The following ABCA5 variants were observed in gnomAD, a reference collection of about 807,000 sequenced individuals.
ABCA5 encodes ATP binding cassette subfamily A member 5.
A neutral mutation model predicts 206.0 loss-of-function variants in ABCA5; 163 were observed. The observed-to-expected ratio is 0.79, with a 90% CI of 0.70 to 0.90. ABCA5 has a LOEUF of 0.90. Ranked by LOEUF, ABCA5 falls within the 40% of genes least tolerant of loss-of-function variation. ABCA5 has a pLI of 0.00. For synonymous variants in ABCA5, 609 were observed against 613.8 expected, an observed-to-expected ratio of 0.99 and a Z score of 0.11; for missense variants, 1,859 against 1,912.9, an observed-to-expected ratio of 0.97 and a Z score of 0.53.
At chr17:69,253,744 C>A (rs773430791) in intron 33 of ABCA5, 50 bp downstream of exon 33, 6 of 1,579,310 alleles carry the variant, frequency 3.8e-6, no homozygotes, top group Non-Finnish European at 5.2e-6. Flanking sequence ...ATATCAGGTA[C>A]TAAACTATCA....
At chr17:69,298,221 A>AAGGTAGGT (rs757307976) in intron 9 of ABCA5, among the ~76,000 whole-genome samples, 17 of 69,102 alleles carry the variant, frequency 2.5e-4, no homozygotes, top group South Asian at 1.2e-3. Context: ...GGAAGGAAGG[A>AAGGTAGGT]AGGTAGGTAG....
intron 3 of ABCA5, 77 bp from the exon 4 acceptor site, chr17:69,309,500 T>C: frequency 9.5e-7 from 1 of 1,052,412 alleles, no homozygotes; most frequent in Non-Finnish European, 1.3e-6. Flanking sequence ...TACAATTATT[T>C]TGATGAATGG....
rs1568089536 is a variant in ABCA5, at chr17:69,254,212, TA to T, written c.4244+102del. On this transcript the variant is annotated intron_variant, in intron 32 of 38. Coordinates refer to ENST00000392676, the MANE Select transcript of ABCA5 (RefSeq NM_172232.4). The stretch of plus-strand genomic sequence containing the variant: ...ATGAAAAAGTAATAAACATTTTCTA[TA>T]AAAATCATTGTCCACAGAAATGCTT... The T allele has an allele frequency of 3.1e-6, 3 of 965,780 alleles. No homozygotes were observed. The African/African-American group carries it at 5.0e-5, about 16-fold the overall frequency. 59.8% of individuals were successfully genotyped at this position (965,780 alleles called of 1,614,324 possible).
chr17:69,308,892 T>C (rs1352245072), intron 4 of ABCA5, among the ~76,000 whole-genome samples: 1 of 152,086 alleles, frequency 6.6e-6, no homozygotes, highest in Admixed American at 6.5e-5. Context: ...AATATAAAAC[T>C]AATCAAGTTC....
chr17:69,267,912 G>T, intron 23 of ABCA5, 31 bp downstream of exon 23: 1 of 1,303,056 alleles, frequency 7.7e-7, no homozygotes, highest in Non-Finnish European at 1.1e-6. Context: ...CTTCTTATTA[G>T]CAAATTATAT....
At chr17:69,314,688 G>T (rs2075799624) in intron 1 of ABCA5, 2 of 316,818 alleles carry the variant, frequency 6.3e-6, no homozygotes, top group Admixed American at 4.9e-5. Context: ...TTCTCCTTTG[G>T]TATCTCCCGA....
intron 37 of ABCA5, 110 bp from the exon 38 acceptor site, chr17:69,248,427 A>T: frequency 1.6e-6 from 1 of 620,264 alleles, no homozygotes; most frequent in East Asian, 3.0e-5. Context: ...AACCCACTTA[A>T]ATTTGAAGCT....
Position 69,304,813 on chromosome 17 carries a change from A to C in ABCA5, c.789-3T>G, listed in dbSNP as rs772923187. ...TATATAGAAGAACCCAGGAAAGCCT[A>C]AAATGAGAATACAGATATAGTTATG... is the stretch of plus-strand genomic sequence containing the variant. On this transcript the variant is annotated splice_region_variant and splice_polypyrimidine_tract_variant and intron_variant, in intron 6 of 38. Transcript: ENST00000392676. 1 of 1,586,084 alleles carries C rather than the reference A, an allele frequency of 6.3e-7. No homozygotes were observed. Among genetic ancestry groups the C allele is most frequent in the South Asian group, 1.2e-5 (1 of 85,392 alleles).
In ABCA5 at chr17:69,253,617, A is replaced by C. The variant is rs768206442; in HGVS notation, c.4371T>G (p.Asp1457Glu). The change falls in exon 34 of 39, where the codon GAT becomes GAG. Residue 1457 changes from aspartate (D) to glutamate (E), a missense_variant. Asp to Glu is a conservative substitution (Grantham distance 45). Coordinates refer to ENST00000392676, the MANE Select transcript of ABCA5 (RefSeq NM_172232.4). Reference sequence around the variant, plus strand: ...TGGGATCCATACCTGTAGATGGTTCATCTAGCAAAGTAATCTGAGGATTCC... The same window carrying C: ...TGGGATCCATACCTGTAGATGGTTCCTCTAGCAAAGTAATCTGAGGATTCC... ...MLGNPQITLL[D>E]EPSTGMDPKA... The C allele has an allele frequency of 3.1e-6, 5 of 1,613,902 alleles. No homozygotes were observed. In the South Asian group the frequency reaches 5.5e-5, roughly 18 times the overall value.
rs1432270772 is a variant in ABCA5 at position 69,244,635 on chromosome 17, T to A, written c.*2902A>T. ...AAATAAAAAATCAATGTTAGCAAAT[T>A]AAAAATACATTAAGGATAAACATTT... On this transcript the variant is annotated 3_prime_UTR_variant, in exon 39 of 39. Transcript: ENST00000392676. The A allele has an allele frequency of 6.6e-6, 1 of 151,580 alleles. No homozygotes were observed. The highest frequency in any genetic ancestry group is 1.5e-5 in the Non-Finnish European group (1 of 67,786). The allele number at this position is 151,580 out of a possible 1,614,324, so 9.4% of individuals were successfully genotyped here.
At chr17:69,291,676 A>C (rs2075527590) in intron 11 of ABCA5, among the ~76,000 whole-genome samples, 1 of 152,188 alleles carries the variant, frequency 6.6e-6, no homozygotes, top group South Asian at 2.1e-4. Flanking sequence ...ATAAACTGGC[A>C]AAAAAACAAG....
chr17:69,302,989 C>T, intron 7 of ABCA5, 83 bp from the exon 8 acceptor site: 1 of 681,470 alleles, frequency 1.5e-6, no homozygotes, highest in Non-Finnish European at 2.2e-6. Flanking sequence ...TCTGAAAGAA[C>T]AAGCTATTTT....
chr17:69,318,825 T>A, intron 1 of ABCA5: 1 of 704,862 alleles, frequency 1.4e-6, no homozygotes, highest in Non-Finnish European at 2.6e-6. Context: ...CAAGGAATAT[T>A]GTGGGGATTT....
intron 35 of ABCA5, 148 bp from the exon 36 acceptor site, chr17:69,250,769 A>G: frequency 2.1e-6 from 1 of 467,032 alleles, no homozygotes; most frequent in Non-Finnish European, 3.5e-6. Context: ...TACACTCTTT[A>G]TCCGGTTTCA....
chr17:69,297,472 A>G, intron 9 of ABCA5, 113 bp from the exon 10 acceptor site: 1 of 859,088 alleles, frequency 1.2e-6, no homozygotes, highest in Non-Finnish European at 1.8e-6. Context: ...ATTCCGCAAC[A>G]TATATATATT....
At chr17:69,306,681 T>A in intron 6 of ABCA5, 44 bp downstream of exon 6, 1 of 982,480 alleles carries the variant, frequency 1.0e-6, no homozygotes, top group Non-Finnish European at 1.4e-6. Context: ...GTATATTTAA[T>A]ACAATTTTTA....
chr17:69,265,803 A>C (rs2075201166), intron 23 of ABCA5, among the ~76,000 whole-genome samples: 1 of 152,228 alleles, frequency 6.6e-6, no homozygotes, highest in South Asian at 2.1e-4. Context: ...ATTTTGGATA[A>C]TTCAAACTTT....
chr17:69,310,727 T>A (rs1186633707), intron 3 of ABCA5, among the ~76,000 whole-genome samples: 2 of 147,134 alleles, frequency 1.4e-5, no homozygotes, highest in African/African-American at 5.4e-5. Flanking sequence ...GCTTCAAACA[T>A]GTGGTGAAAT....
In ABCA5 at chr17:69,326,864, C is replaced by T. The variant is rs1567789389; in HGVS notation, c.-16+188G>A. ...GCGCTTCCCGGGAGCTGAGGGAGGT[C>T]TGTTTCCCTCAGCTCGCCGCCTCTG... On this transcript the variant is annotated intron_variant, in intron 1 of 38. Transcript: ENST00000392676. The surrounding 1 kb of genome is among the most constrained non-coding windows in gnomAD (Gnocchi z 4.8). Among the ~76,000 whole-genome samples, 1 of 152,052 alleles carries T rather than the reference C, an allele frequency of 6.6e-6. No homozygotes were observed. Among genetic ancestry groups the T allele is most frequent in the Non-Finnish European group, 1.5e-5 (1 of 67,972 alleles).
Sources: allele counts gnomAD v4.1 joint callset (sites outside exome capture counted in the v4.1 genomes callset), GRCh38; gene constraint gnomAD v4.1.1; non-coding constraint Gnocchi (gnomAD v3.1); transcripts MANE v1.5; gene names NCBI Gene and HGNC (gene_info 2026-07-23, HGNC 2026-07-21).